The following THAP7 variants were observed in gnomAD, a reference collection of about 807,000 sequenced individuals.
The protein encoded by THAP7 is THAP domain containing 7, also known as THAP domain-containing protein 7.
THAP7 carries 22 observed loss-of-function variants against 29.2 expected under a neutral mutation model. The observed-to-expected ratio is 0.75, with a 90% confidence interval of 0.54 to 1.08. The LOEUF (loss-of-function observed/expected upper bound fraction) is 1.08. Ranked by LOEUF, THAP7 falls within the 50% of genes least tolerant of loss-of-function variation. The pLI, the probability that THAP7 is intolerant of heterozygous loss-of-function variation, is 0.00. For missense variants in THAP7, 448 were observed against 416.2 expected (o/e 1.08, Z -0.66); for synonymous variants, 208 against 173.4 (o/e 1.20, Z -1.57).
chr22:21,000,085 C>T lies in THAP7; in HGVS notation c.725G>A (p.Arg242Gln), dbSNP rs759973415. ...GGCATCAAGGGCTGCCTCGGCTCGCCGCTTCCAGAGTAAGGCGCTGCCCAC... is the reference window on the plus strand; with the variant it reads ...GGCATCAAGGGCTGCCTCGGCTCGCTGCTTCCAGAGTAAGGCGCTGCCCAC... ...YQVGSALLWK[R>Q]RAEAALDALD... The change falls in exon 4 of 4, where the codon CGG (arginine) becomes CAG (glutamine). Residue 242 changes from arginine to glutamine, a missense_variant. Coordinates refer to ENST00000215742, the MANE Select transcript of THAP7 (RefSeq NM_030573.3). 5.4e-5 allele frequency: 87 copies of T among 1,612,646 alleles called. No individual in the cohort carries two copies. Among genetic ancestry groups the T allele is most frequent in the Middle Eastern group, 1.6e-4 (1 of 6,084 alleles).
rs531348340 is a variant in THAP7, at chr22:20,999,543, C to T, written c.*337G>A. The T allele has an allele frequency of 1.0e-5, 3 of 298,642 alleles. No homozygotes were observed. In the East Asian group the frequency reaches 2.1e-4, roughly 21 times the overall value. The allele number at this position is 298,642 out of a possible 1,614,324, so 18.5% of individuals were successfully genotyped here. On this transcript the variant is annotated 3_prime_UTR_variant, in exon 4 of 4. Coordinates refer to ENST00000215742, the MANE Select transcript of THAP7 (RefSeq NM_030573.3). ...GGCGCCTGGAGCTGTCTTCCTGGCC[C>T]CTACTCACACCATCCTGCCCCTTCA...
At chr22:21,000,915 G>A (rs1925128080) in intron 2 of THAP7, 128 bp from the exon 3 acceptor site, 3 of 1,430,074 alleles carry the variant, frequency 2.1e-6, no homozygotes, top group African/African-American at 1.4e-5. Context: ...GGAACGCCAA[G>A]TTACAGCTAC....
chr22:21,001,755 G>A (rs1289407642), intron 1 of THAP7, 77 bp downstream of exon 1: 30 of 1,423,528 alleles, frequency 2.1e-5, no homozygotes, highest in Admixed American at 4.6e-5. Flanking sequence ...AAGGCGCGAA[G>A]CCTCTACGCA....
rs370996582 is a variant in THAP7, at chr22:21,000,692, G to A, written c.332C>T (p.Pro111Leu). ...CCGGCTGACTTCAGCGGGGCCAGGT[G>A]GGTAACTGTGTCCTTTGGTCTTGGT... ...RTTKTKGHSY[P>L]PGPAEVSRLR... Residue 111 changes from proline to leucine, a missense_variant, in exon 3 of 4, where the codon CCA (proline) becomes CTA (leucine). Physicochemically the swap from Pro to Leu is moderately conservative, Grantham distance 98. Coordinates refer to ENST00000215742, the MANE Select transcript of THAP7 (RefSeq NM_030573.3). 1.9e-6 allele frequency: 3 copies of A among 1,614,146 alleles called. No homozygotes were observed. Among genetic ancestry groups the A allele is most frequent in the East Asian group, 4.5e-5 (2 of 44,882 alleles).
At chr22:21,000,832 C>T in intron 2 of THAP7, 45 bp from the exon 3 acceptor site, 1 of 1,610,292 alleles carries the variant, frequency 6.2e-7, no homozygotes, top group Non-Finnish European at 8.5e-7. Context: ...CAAGTGCTGC[C>T]TCCCCAGGCC....
In THAP7 at chr22:21,002,046, G is replaced by A. The variant is rs958321471; in HGVS notation, c.-135C>T. ...CCCGGCCCGTTGTCGCCCCAACCCC[G>A]TCCCAGCCGATTCTCTTGACTTCTG... On this transcript the variant is annotated 5_prime_UTR_variant, in exon 1 of 4. In the 5' UTR this introduces an upstream ATG that the reference lacks. Transcript: ENST00000215742. The A allele has an allele frequency of 4.3e-5, 33 of 772,902 alleles. No individual in the cohort carries two copies. The highest frequency in any genetic ancestry group is 6.3e-5 in the Non-Finnish European group (32 of 510,148). The allele number at this position is 772,902 out of a possible 1,614,324, so 47.9% of individuals were successfully genotyped here. A position where few individuals can be genotyped will look rare whatever the true frequency, so the allele number is the denominator to read the frequency against.
chr22:21,000,935 T>C, intron 2 of THAP7, 148 bp from the exon 3 acceptor site: 2 of 1,242,492 alleles, frequency 1.6e-6, no homozygotes, highest in African/African-American at 1.5e-5. Flanking sequence ...CACCAATCGC[T>C]TCCCCGCAGG....
Position 21,001,895 on chromosome 22 carries a change from G to C in THAP7, c.17C>G (p.Ser6Cys). MPRHC[S>C]AAGCCTRDTR... The stretch of plus-strand genomic sequence containing the variant: ...GTCCCGTGTGCAGCAGCCGGCGGCG[G>C]AGCAGTGACGCGGCATCTGGGAAAG... Residue 6 changes from serine (S) to cysteine (C), a missense_variant, in exon 1 of 4, where the codon TCC becomes TGC. Coordinates refer to ENST00000215742, the MANE Select transcript of THAP7 (RefSeq NM_030573.3). 1.3e-6 allele frequency: 2 copies of C among 1,571,544 alleles called. No individual in the cohort carries two copies. Among genetic ancestry groups the C allele is most frequent in the Non-Finnish European group, 1.7e-6 (2 of 1,159,734 alleles).
chr22:21,000,352 G>C lies in THAP7; in HGVS notation c.458C>G (p.Ala153Gly). 6.4e-7 allele frequency: 1 copy of C among 1,553,290 alleles called. No individual in the cohort carries two copies. Among genetic ancestry groups the C allele is most frequent in the Non-Finnish European group, 8.7e-7 (1 of 1,148,326 alleles). ...ADVTCFPVEE[A>G]SAPATLPASP... ...GGCCGGCAAAGTGGCAGGTGCTGAG[G>C]CCTCTTCCACAGGAAAGCAGGTGAC... Residue 153 changes from alanine (A) to glycine (G), a missense_variant, in exon 4 of 4, where the codon GCC (alanine) becomes GGC (glycine). Physicochemically the swap from Ala to Gly is moderately conservative, Grantham distance 60. Coordinates refer to ENST00000215742, the MANE Select transcript of THAP7 (RefSeq NM_030573.3).
Position 20,999,985 on chromosome 22 carries a change from C to G in THAP7, c.825G>C (p.Leu275=), listed in dbSNP as rs1201081551. Residue 275 remains leucine (L), a synonymous_variant, in exon 4 of 4, where the codon CTG becomes CTC. Coordinates refer to ENST00000215742, the MANE Select transcript of THAP7 (RefSeq NM_030573.3). ...GCTTCTCCCGTGCCCGCTCCTGCTG[C>G]AGCTTGGTCAGTCTCAACCGCAGCC... ...EQRLRLRLTK[L]QQERAREKRA... 6.2e-7 allele frequency: 1 copy of G among 1,612,844 alleles called. No homozygotes were observed. Among genetic ancestry groups the G allele is most frequent in the Admixed American group, 1.7e-5 (1 of 60,024 alleles).
At position 21,000,440 on chromosome 22, in the gene THAP7, G is replaced by C. The variant is rs533046791; in HGVS notation, c.378-8C>G. 18 of 1,548,046 alleles carry C rather than the reference G, an allele frequency of 1.2e-5. No individual in the cohort carries two copies. Among genetic ancestry groups the C allele is most frequent in the African/African-American group, 4.1e-5 (3 of 73,154 alleles). On this transcript the variant is annotated splice_polypyrimidine_tract_variant and splice_region_variant and intron_variant, in intron 3 of 3. Coordinates refer to ENST00000215742, the MANE Select transcript of THAP7 (RefSeq NM_030573.3). ...CCTCGGCCCTCGGAGCAGCTGGTAA[G>C]GGGGAAGAGAGAGACTGATGGGCTA...
intron 2 of THAP7, 44 bp downstream of exon 2, chr22:21,001,212 G>C: frequency 6.2e-7 from 1 of 1,604,092 alleles, no homozygotes; most frequent in South Asian, 1.1e-5. Context: ...AGTCCGCCGG[G>C]AGCCCCACAT....
At chr22:21,001,079 T>C in intron 2 of THAP7, 177 bp downstream of exon 2, 4 of 993,686 alleles carry the variant, frequency 4.0e-6, no homozygotes, top group Non-Finnish European at 4.4e-6. Flanking sequence ...AGGCTCCTGT[T>C]TTCCCCTTGT....
rs1359222763 is a variant in THAP7, at chr22:21,001,333, C to CA, written c.158dup (p.Trp54ValfsTer16). The CA allele has an allele frequency of 6.2e-7, 1 of 1,614,062 alleles. No homozygotes were observed. Among genetic ancestry groups the CA allele is most frequent in the Non-Finnish European group, 8.5e-7 (1 of 1,180,014 alleles). On this transcript the variant is annotated frameshift_variant, in exon 2 of 4. Coordinates refer to ENST00000215742, the MANE Select transcript of THAP7 (RefSeq NM_030573.3). LOFTEE classifies it high-confidence loss of function. ...AGATGTACTCGGATGCCGGGTCCCACAGGCCCTGGCCGCTGGGGTCCAGCC... is the reference window on the plus strand; with the variant it reads ...AGATGTACTCGGATGCCGGGTCCCACAAGGCCCTGGCCGCTGGGGTCCAGCC...
intron 1 of THAP7, 157 bp from the exon 2 acceptor site, chr22:21,001,568 C>T (rs967920985): frequency 6.9e-6 from 8 of 1,161,534 alleles, no homozygotes; most frequent in African/African-American, 1.5e-5. Context: ...ACAGACGAGG[C>T]AACGGAGGCC....
Position 21,000,682 on chromosome 22 carries a change from G to A in THAP7, c.342C>T (p.Pro114=), listed in dbSNP as rs1193896185. 3.7e-6 allele frequency: 6 copies of A among 1,613,978 alleles called. No individual in the cohort carries two copies. The Admixed American group carries it at 5.0e-5, about 13-fold the overall frequency. The change falls in exon 3 of 4, where the codon CCC becomes CCT. Residue 114 remains proline (P), a synonymous_variant. Coordinates refer to ENST00000215742, the MANE Select transcript of THAP7 (RefSeq NM_030573.3). The part of the protein sequence containing the change: ...KTKGHSYPPG[P]AEVSRLRRCR... ...ATCGTCTGAGCCGGCTGACTTCAGCGGGGCCAGGTGGGTAACTGTGTCCTT... is the reference window on the plus strand; with the variant it reads ...ATCGTCTGAGCCGGCTGACTTCAGCAGGGCCAGGTGGGTAACTGTGTCCTT...
rs1321391256 is a variant in THAP7 at position 21,000,536 on chromosome 22, A to G, written c.378-104T>C. 3 of 1,574,314 alleles carry G rather than the reference A, an allele frequency of 1.9e-6. No homozygotes were observed. In the African/African-American group the frequency reaches 4.0e-5, roughly 21 times the overall value. ...CCCTTAACACCCAAACCCGATCCACAGGTTCTGTGTAGCAAGAACCCTGTC... is the reference window on the plus strand; with the variant it reads ...CCCTTAACACCCAAACCCGATCCACGGGTTCTGTGTAGCAAGAACCCTGTC... On this transcript the variant is annotated intron_variant, in intron 3 of 3. Transcript: ENST00000215742.
Position 21,001,902 on chromosome 22 carries a change from G to C in THAP7, c.10C>G (p.His4Asp). 1 of 1,569,704 alleles carries C rather than the reference G, an allele frequency of 6.4e-7. No individual in the cohort carries two copies. The highest frequency in any genetic ancestry group is 8.6e-7 in the Non-Finnish European group (1 of 1,158,970). The change falls in exon 1 of 4, where the codon CAC (histidine) becomes GAC (aspartate). Residue 4 changes from histidine (H) to aspartate (D), a missense_variant. Coordinates refer to ENST00000215742, the MANE Select transcript of THAP7 (RefSeq NM_030573.3). MPR[H>D]CSAAGCCTRD... is the part of the protein sequence containing the mutation. ...GTGCAGCAGCCGGCGGCGGAGCAGT[G>C]ACGCGGCATCTGGGAAAGAGGCGGG...
intron 1 of THAP7, 143 bp downstream of exon 1, chr22:21,001,689 G>A (rs1396029734): frequency 3.9e-6 from 4 of 1,036,324 alleles, no homozygotes; most frequent in Non-Finnish European, 5.4e-6. Flanking sequence ...CAGTCCCGCC[G>A]GGACCGTTCC....
Sources: allele counts gnomAD v4.1 joint callset, GRCh38; gene constraint gnomAD v4.1.1; transcripts MANE v1.5; gene names NCBI Gene and HGNC (gene_info 2026-07-23, HGNC 2026-07-21).